Variants in SYT3 observed in about 807,000 individuals in gnomAD.
SYT3 encodes synaptotagmin-3.
A neutral mutation model predicts 50.6 loss-of-function variants in SYT3; 25 were observed. The observed-to-expected ratio is 0.49, with a 90% CI of 0.36 to 0.69. The LOEUF is 0.69. SYT3 is among the 30% of genes least tolerant of loss of function. The pLI is 0.00. For missense variants in SYT3, 589 were observed against 793.6 expected, an observed-to-expected ratio of 0.74 and a Z score of 3.10; for synonymous variants, 323 against 353.9, an observed-to-expected ratio of 0.91 and a Z score of 0.98.
chr19:50,656,032 TGGGTTCTCTGTCCTCAGGAG>T, the SYT3 span: 1 of 1,535,706 alleles, frequency 6.5e-7, no homozygotes, highest in Admixed American at 2.0e-5. Flanking sequence ...CAGCTGACAC[TGGGTTCTCTGTCCTCAGGAG>T]CCCTCCTTAT....
Position 50,632,648 on chromosome 19 carries a change from G to T in SYT3, c.312C>A (p.Val104=), listed in dbSNP as rs543838609. The T allele has an allele frequency of 6.3e-6, 10 of 1,585,360 alleles. No individual in the cohort carries two copies. The Admixed American group carries it at 8.5e-5, about 13-fold the overall frequency. ...GPLRKDLGPG[V]GLAGLVGGGG... Reference sequence around the variant, plus strand: ...CTCCGCCTACCAGGCCTGCCAGCCCGACACCAGGGCCTAGGTCTTTGCGCA... The same window carrying T: ...CTCCGCCTACCAGGCCTGCCAGCCCTACACCAGGGCCTAGGTCTTTGCGCA... The change falls in exon 4 of 11, where the codon GTC becomes GTA. Residue 104 remains valine (V), a synonymous_variant. Transcript: ENST00000600079. This position sits in a 1 kb window ranked among gnomAD's most constrained non-coding sequence, Gnocchi z 4.7.
the SYT3 span, among the ~76,000 whole-genome samples, chr19:50,651,216 C>G: frequency 6.6e-6 from 1 of 152,196 alleles, no homozygotes; most frequent in Non-Finnish European, 1.5e-5. Flanking sequence ...AATAAGCGCT[C>G]TTTAGTCTTG....
chr19:50,636,766 C>T (rs1001660773), intron 3 of SYT3, among the ~76,000 whole-genome samples: 4 of 152,236 alleles, frequency 2.6e-5, no homozygotes, highest in African/African-American at 9.6e-5. Flanking sequence ...GCCTGGACCA[C>T]AGTTGGTGCT....
upstream of SYT3, among the ~76,000 whole-genome samples, chr19:50,642,119 C>G (rs972334609): frequency 1.3e-5 from 2 of 152,326 alleles, no homozygotes; most frequent in East Asian, 1.9e-4. Flanking sequence ...TGCATCCCCC[C>G]AGATGGATGT....
intron 6 of SYT3, among the ~76,000 whole-genome samples, chr19:50,627,542 G>A (rs997598109): frequency 6.6e-5 from 10 of 152,096 alleles, no homozygotes; most frequent in South Asian, 4.2e-4. Context: ...CCAGCATGGC[G>A]AAACCCTGTC....
At chr19:50,642,943 T>C (rs1182329501), upstream of SYT3, among the ~76,000 whole-genome samples, 1 of 152,230 alleles carries the variant, frequency 6.6e-6, no homozygotes, top group Non-Finnish European at 1.5e-5. Context: ...TTTAGTGTTG[T>C]CATAAATAAA....
At chr19:50,657,016 AAAGG>A in the SYT3 span, among the ~76,000 whole-genome samples, 2 of 150,308 alleles carry the variant, frequency 1.3e-5, no homozygotes, top group Admixed American at 6.6e-5. Flanking sequence ...AAAGGAAAGG[AAAGG>A]AAGGAAGGGA....
At chr19:50,628,825 CTTT>C (rs11418879) in intron 6 of SYT3, among the ~76,000 whole-genome samples, 3 of 136,190 alleles carry the variant, frequency 2.2e-5, no homozygotes, top group Non-Finnish European at 1.6e-5. Context: ...ATTATCTGTT[CTTT>C]TTTTTTTTTT....
chr19:50,651,030 A>G, the SYT3 span, among the ~76,000 whole-genome samples: 1 of 152,210 alleles, frequency 6.6e-6, no homozygotes, highest in African/African-American at 2.4e-5. Context: ...TTGTGGAACC[A>G]ATCACATTTT....
At chr19:50,656,993 A>AAGGAAGGG in the SYT3 span, among the ~76,000 whole-genome samples, 1 of 127,170 alleles carries the variant, frequency 7.9e-6, no homozygotes, top group Admixed American at 7.6e-5. Context: ...GGAAGGAAGG[A>AAGGAAGGG]AGGGAGGGAG....
rs1437675970 is a variant in SYT3 at position 50,625,976 on chromosome 19, G to A, written c.1323C>T (p.Tyr441=). The change falls in exon 7 of 11, where the codon TAC becomes TAT. Residue 441 remains tyrosine (Y), a synonymous_variant. Coordinates refer to ENST00000600079, the MANE Select transcript of SYT3 (RefSeq NM_001160329.2). This position sits in a 1 kb window ranked among gnomAD's most constrained non-coding sequence, Gnocchi z 7.5. ...DLGELNFSLC[Y]LPTAGRLTVT... ...CGGTGAGGCGCCCGGCCGTGGGGAGGTAGCAGAGTGAGAAGTTGAGCTCCC... is the reference window on the plus strand; with the variant it reads ...CGGTGAGGCGCCCGGCCGTGGGGAGATAGCAGAGTGAGAAGTTGAGCTCCC... 1.2e-6 allele frequency: 2 copies of A among 1,614,154 alleles called. No individual in the cohort carries two copies. The highest frequency in any genetic ancestry group is 4.5e-5 in the East Asian group (2 of 44,864).
chr19:50,624,092 A>G (rs540276731), intron 9 of SYT3, among the ~76,000 whole-genome samples: 6 of 152,046 alleles, frequency 3.9e-5, no homozygotes, highest in African/African-American at 1.4e-4. Flanking sequence ...CCTCCTGAGT[A>G]GCAGGGACTA....
At chr19:50,648,480 T>C in the SYT3 span, among the ~76,000 whole-genome samples, 3 of 152,104 alleles carry the variant, frequency 2.0e-5, no homozygotes, top group Admixed American at 2.0e-4. Flanking sequence ...AGGTCCAGCT[T>C]CCTCTCCCAC....
Position 50,625,640 on chromosome 19 carries a change from C to A in SYT3, c.1403-76G>T. 1 of 1,480,420 alleles carries A rather than the reference C, an allele frequency of 6.8e-7. No homozygotes were observed. The highest frequency in any genetic ancestry group is 9.0e-7 in the Non-Finnish European group (1 of 1,115,946). 91.7% of individuals were successfully genotyped at this position (1,480,420 alleles called of 1,614,324 possible). On this transcript the variant is annotated intron_variant, in intron 7 of 10. Coordinates refer to ENST00000600079, the MANE Select transcript of SYT3 (RefSeq NM_001160329.2). The surrounding 1 kb of genome is among the most constrained non-coding windows in gnomAD (Gnocchi z 7.5). The stretch of plus-strand genomic sequence containing the variant: ...GGGTCCAGGACCCCAGGCCCCGAGC[C>A]CCTCCTCCCTCAGACCCAGAGGTCC...
intron 9 of SYT3, among the ~76,000 whole-genome samples, chr19:50,624,438 T>G (rs1232155569): frequency 6.6e-6 from 1 of 152,236 alleles, no homozygotes; most frequent in East Asian, 1.9e-4. Context: ...TGGCTTTTAA[T>G]GGAGGCAAAT....
chr19:50,645,715 C>T, the SYT3 span, among the ~76,000 whole-genome samples: 7 of 152,046 alleles, frequency 4.6e-5, no homozygotes, highest in African/African-American at 1.7e-4. Context: ...TTCAGCTTTA[C>T]CAAAAAAATA....
chr19:50,633,755 G>A (rs922294350), intron 3 of SYT3, among the ~76,000 whole-genome samples: 2 of 152,174 alleles, frequency 1.3e-5, no homozygotes, highest in African/African-American at 2.4e-5. Context: ...TAGAGATCAG[G>A]TTATTTAAGC....
the SYT3 span, among the ~76,000 whole-genome samples, chr19:50,653,597 A>G: frequency 6.6e-6 from 1 of 151,754 alleles, no homozygotes; most frequent in Non-Finnish European, 1.5e-5. Context: ...AGTGTGCAGG[A>G]GAGCCCGTTG....
rs550392096 is a variant in SYT3, at chr19:50,637,164, G to A, written c.148+100C>T. 1 of 1,432,494 alleles carries A rather than the reference G, an allele frequency of 7.0e-7. No homozygotes were observed. The highest frequency in any genetic ancestry group is 9.6e-7 in the Non-Finnish European group (1 of 1,042,436). The allele number at this position is 1,432,494 out of a possible 1,614,324, so 88.7% of individuals were successfully genotyped here. On this transcript the variant is annotated intron_variant, in intron 3 of 10. Coordinates refer to ENST00000600079, the MANE Select transcript of SYT3 (RefSeq NM_001160329.2). This position sits in a 1 kb window ranked among gnomAD's most constrained non-coding sequence, Gnocchi z 4.9. Reference sequence around the variant, plus strand: ...CAGAATGGGGGCAAGACGCTACGAGGGACTGACCCCACAAGCAATGGAAAG... The same window carrying A: ...CAGAATGGGGGCAAGACGCTACGAGAGACTGACCCCACAAGCAATGGAAAG...
Sources: allele counts gnomAD v4.1 joint callset (sites outside exome capture counted in the v4.1 genomes callset), GRCh38; gene constraint gnomAD v4.1.1; non-coding constraint Gnocchi (gnomAD v3.1); transcripts MANE v1.5; gene names NCBI Gene and HGNC (gene_info 2026-07-23, HGNC 2026-07-21).